PSTPIP2: variants seen among roughly 807,000 people sequenced by gnomAD.
The protein encoded by PSTPIP2 is proline-serine-threonine phosphatase interacting protein 2.
A neutral mutation model predicts 63.3 loss-of-function variants in PSTPIP2; 33 were observed. That is an observed-to-expected ratio of 0.52 (90% CI 0.40 to 0.70). The LOEUF (loss-of-function observed/expected upper bound fraction) is 0.70, where lower values mean the gene tolerates loss of function less well. PSTPIP2 is among the 30% of genes least tolerant of loss of function. PSTPIP2 has a pLI of 0.00. For missense variants in PSTPIP2, 312 were observed against 400.7 expected (o/e 0.78, Z 1.89); for synonymous variants, 125 against 132.7 (o/e 0.94, Z 0.40).
At chr18:46,071,894 G>A (rs770940023) in intron 1 of PSTPIP2, among the ~76,000 whole-genome samples, 1 of 152,020 alleles carries the variant, frequency 6.6e-6, no homozygotes, top group Non-Finnish European at 1.5e-5. Flanking sequence ...GTGGGCCCTG[G>A]AGTCCGAGCC....
At chr18:46,000,118 G>A (rs187170384) in intron 6 of PSTPIP2, among the ~76,000 whole-genome samples, 14 of 152,242 alleles carry the variant, frequency 9.2e-5, no homozygotes, top group African/African-American at 3.1e-4. Flanking sequence ...CAGCCTGGGC[G>A]AAAGGGTGAG....
rs1280777139 is a variant in PSTPIP2 at position 46,009,376 on chromosome 18, AAAAAAAAAAAAAAAAC to A, written c.354+1789_354+1804del. On this transcript the variant is annotated intron_variant, in intron 5 of 14. Coordinates refer to ENST00000409746, the MANE Select transcript of PSTPIP2 (RefSeq NM_024430.4). ...GTTTTATGGTGTAAAAAAAAAAAAA[AAAAAAAAAAAAAAAAC>A]CTAGCTAAATACGGAAGTGGTAAAA... 5.2e-4 allele frequency among the ~76,000 whole-genome samples: 70 copies of A among 134,664 alleles called. 1 individual carries two copies. Among genetic ancestry groups the A allele is most frequent in the African/African-American group, 2.0e-3 (68 of 34,718 alleles). 88.3% of individuals were successfully genotyped at this position (134,664 alleles called of 152,430 possible). A position where few individuals can be genotyped will look rare whatever the true frequency, so the allele number is the denominator to read the frequency against.
At chr18:45,991,003 G>C (rs1599693114) in intron 12 of PSTPIP2, among the ~76,000 whole-genome samples, 2 of 152,220 alleles carry the variant, frequency 1.3e-5, no homozygotes, top group South Asian at 4.1e-4. Flanking sequence ...CCACAACCCG[G>C]ACTGGCAGGA....
At chr18:46,061,323 AT>A (rs1229400084) in intron 1 of PSTPIP2, among the ~76,000 whole-genome samples, 5 of 151,510 alleles carry the variant, frequency 3.3e-5, no homozygotes, top group African/African-American at 9.8e-5. Flanking sequence ...AAAAAAAAAA[AT>A]CATATATGAA....
In PSTPIP2 at chr18:46,041,019, T is replaced by C. The variant is rs1238529976; in HGVS notation, c.34-972A>G. 4 of 458,932 alleles carry C rather than the reference T, an allele frequency of 8.7e-6. No individual in the cohort carries two copies. In the Admixed American group the frequency reaches 9.4e-5, roughly 11 times the overall value. The allele number at this position is 458,932 out of a possible 1,614,324, so 28.4% of individuals were successfully genotyped here. On this transcript the variant is annotated intron_variant, in intron 1 of 14. Transcript: ENST00000409746. ...CTGGTGCTATAAAATTTTTACTCTG[T>C]CCTTAAACTTGCCACTGAACTTGAC...
chr18:46,030,470 A>G (rs1907752131), intron 2 of PSTPIP2, among the ~76,000 whole-genome samples: 2 of 152,190 alleles, frequency 1.3e-5, no homozygotes. Flanking sequence ...GATAATGAGC[A>G]TTGTTGTACT....
intron 4 of PSTPIP2, 44 bp downstream of exon 4, chr18:46,015,859 T>C: frequency 6.3e-7 from 1 of 1,579,436 alleles, no homozygotes; most frequent in African/African-American, 1.4e-5. Flanking sequence ...ACACAGGGCT[T>C]GTCAAGGGCA....
intron 6 of PSTPIP2, among the ~76,000 whole-genome samples, chr18:46,004,155 T>A (rs548900181): frequency 6.6e-6 from 1 of 152,370 alleles, no homozygotes; most frequent in East Asian, 1.9e-4. Flanking sequence ...GGAAAAATCA[T>A]CTATCAACTA....
intron 4 of PSTPIP2, among the ~76,000 whole-genome samples, chr18:46,012,481 T>TA (rs895234228): frequency 6.6e-6 from 1 of 152,094 alleles, no homozygotes; most frequent in African/African-American, 2.4e-5. Context: ...CATCTACAAT[T>TA]AAAAAAGAGT....
chr18:46,049,657 G>A (rs979257615), intron 1 of PSTPIP2, among the ~76,000 whole-genome samples: 9 of 152,108 alleles, frequency 5.9e-5, no homozygotes, highest in Non-Finnish European at 1.0e-4. Context: ...CGAAGCAGGC[G>A]GATCACTAGG....
chr18:46,009,625 C>T (rs1203284758), intron 5 of PSTPIP2, among the ~76,000 whole-genome samples: 2 of 152,086 alleles, frequency 1.3e-5, no homozygotes, highest in African/African-American at 2.4e-5. Flanking sequence ...ATAATTTGGT[C>T]TGTGTAGCTT....
At position 46,020,684 on chromosome 18, in the gene PSTPIP2, T is replaced by A. The variant is rs534835457; in HGVS notation, c.212+3925A>T. 2.6e-5 allele frequency among the ~76,000 whole-genome samples: 4 copies of A among 152,212 alleles called. No individual in the cohort carries two copies. The South Asian group carries it at 8.3e-4, about 32-fold the overall frequency. On this transcript the variant is annotated intron_variant, in intron 3 of 14. Transcript: ENST00000409746. ...AAATCATCCACTGTCTTCTAGAACATCTTCCTAAAGATCATGTCATGGGGT... is the reference window on the plus strand; with the variant it reads ...AAATCATCCACTGTCTTCTAGAACAACTTCCTAAAGATCATGTCATGGGGT...
chr18:46,071,689 C>T (rs1909398599), intron 1 of PSTPIP2, among the ~76,000 whole-genome samples: 1 of 152,220 alleles, frequency 6.6e-6, no homozygotes, highest in African/African-American at 2.4e-5. Flanking sequence ...AGCTCACAAG[C>T]CCCCACACCA....
chr18:46,055,709 T>C (rs1187806158), intron 1 of PSTPIP2, among the ~76,000 whole-genome samples: 4 of 152,240 alleles, frequency 2.6e-5, no homozygotes, highest in Admixed American at 6.5e-5. Flanking sequence ...AATGACTAAA[T>C]GCTCATTTCC....
At chr18:46,044,916 C>T (rs1459854485) in intron 1 of PSTPIP2, among the ~76,000 whole-genome samples, 1 of 152,168 alleles carries the variant, frequency 6.6e-6, no homozygotes, top group Admixed American at 6.5e-5. Context: ...AAATGCTCAC[C>T]ATCACTGGCC....
chr18:46,020,369 A>G (rs376304591), intron 3 of PSTPIP2, among the ~76,000 whole-genome samples: 42 of 152,310 alleles, frequency 2.8e-4, no homozygotes, highest in African/African-American at 9.4e-4. Context: ...AAGCAAAATC[A>G]TCTGGCCGGG....
At chr18:46,041,518 G>A (rs933540319) in intron 1 of PSTPIP2, among the ~76,000 whole-genome samples, 1 of 152,292 alleles carries the variant, frequency 6.6e-6, no homozygotes, top group Admixed American at 6.5e-5. Flanking sequence ...AAAGTGCCAG[G>A]CGTGAGCCAC....
intron 1 of PSTPIP2, among the ~76,000 whole-genome samples, chr18:46,042,939 T>C (rs1322617465): frequency 1.3e-5 from 2 of 152,184 alleles, no homozygotes; most frequent in African/African-American, 4.8e-5. Context: ...CTTTCTTGGT[T>C]GCCTCTGTAG....
chr18:46,012,453 C>T (rs16978514), intron 4 of PSTPIP2, among the ~76,000 whole-genome samples: 5,253 of 152,204 alleles, frequency 0.035, 301 homozygotes, highest in African/African-American at 0.12. Context: ...AACTCATTCA[C>T]GTCTATATGC....
Sources: allele counts gnomAD v4.1 joint callset (sites outside exome capture counted in the v4.1 genomes callset), GRCh38; gene constraint gnomAD v4.1.1; transcripts MANE v1.5; gene names NCBI Gene and HGNC (gene_info 2026-07-23, HGNC 2026-07-21).